Variants in GALNT13 observed in about 807,000 individuals in gnomAD.
GALNT13 encodes polypeptide N-acetylgalactosaminyltransferase 13.
Under a neutral mutation model 64.2 loss-of-function variants are expected in GALNT13, and 28 were observed. The ratio of observed to expected loss-of-function variants is 0.44; its 90% CI spans 0.32 to 0.60. The LOEUF is 0.60. GALNT13 is among the 20% of genes least tolerant of loss of function. The pLI is 0.05. For missense variants in GALNT13, 577 were observed against 669.8 expected (o/e 0.86, Z 1.53); for synonymous variants, 214 against 224.6 (o/e 0.95, Z 0.42).
the GALNT13 span, among the ~76,000 whole-genome samples, chr2:153,221,080 C>T: frequency 6.6e-6 from 1 of 152,182 alleles, no homozygotes; most frequent in Admixed American, 6.5e-5. Context: ...ACAACCAACT[C>T]CCATGACACA....
chr2:154,216,821 T>G (rs1314127053), intron 4 of GALNT13, among the ~76,000 whole-genome samples: 2 of 147,236 alleles, frequency 1.4e-5, no homozygotes, highest in Non-Finnish European at 3.0e-5. Flanking sequence ...TTTTTTTTTT[T>G]TTTTTTGAGA....
chr2:153,115,021 G>A, the GALNT13 span, among the ~76,000 whole-genome samples: 1 of 152,150 alleles, frequency 6.6e-6, no homozygotes, highest in Non-Finnish European at 1.5e-5. Context: ...TACCTCATGG[G>A]CTTCTTGTGA....
chr2:153,941,432 A>G (rs1691335572), intron 2 of GALNT13, among the ~76,000 whole-genome samples: 1 of 152,238 alleles, frequency 6.6e-6, no homozygotes, highest in African/African-American at 2.4e-5. Context: ...TATTGGATAG[A>G]AAAGTCTGTA....
the GALNT13 span, among the ~76,000 whole-genome samples, chr2:153,666,293 G>A: frequency 5.3e-5 from 8 of 152,092 alleles, no homozygotes; most frequent in African/African-American, 4.8e-5. Context: ...CACCACTGGT[G>A]TGCACACACA....
At chr2:154,454,217 T>C (rs762389855), downstream of GALNT13, among the ~76,000 whole-genome samples, 19 of 152,290 alleles carry the variant, frequency 1.2e-4, no homozygotes, top group Admixed American at 3.3e-4. Flanking sequence ...TGTTTATAGA[T>C]AATAAGACTG....
intron 3 of GALNT13, among the ~76,000 whole-genome samples, chr2:154,022,046 A>C (rs2105280589): frequency 6.6e-6 from 1 of 152,282 alleles, no homozygotes; most frequent in South Asian, 2.1e-4. Flanking sequence ...CATCCCAGGG[A>C]TGAAGCCCAC....
chr2:154,427,190 C>T (rs1700509553), intron 11 of GALNT13, among the ~76,000 whole-genome samples: 1 of 152,150 alleles, frequency 6.6e-6, no homozygotes, highest in African/African-American at 2.4e-5. Flanking sequence ...TATCCTTTTT[C>T]TCAGATGAGG....
At chr2:154,024,669 G>A (rs535435305) in intron 3 of GALNT13, among the ~76,000 whole-genome samples, 7 of 151,856 alleles carry the variant, frequency 4.6e-5, no homozygotes, top group South Asian at 4.2e-4. Flanking sequence ...TAGTTTGATC[G>A]TCTGAAGCCT....
At position 153,872,626 on chromosome 2, in the gene GALNT13, GGGGGGGGGA is replaced by G. The variant is rs1168122819; in HGVS notation, c.-177+325_-177+333del. Among the ~76,000 whole-genome samples, 4 of 131,416 alleles carry G rather than the reference GGGGGGGGGA, an allele frequency of 3.0e-5. 1 individual carries two copies. The highest frequency in any genetic ancestry group is 6.6e-5 in the Non-Finnish European group (4 of 60,712). 86.2% of individuals were successfully genotyped at this position (131,416 alleles called of 152,430 possible). ...CCGGTGAGTTGTTGGTGGCGGGGGG[GGGGGGGGGA>G]GCGGCTCTGGCCCCCTCTGCGTTCT... On this transcript the variant is annotated intron_variant, in intron 1 of 12. Transcript: ENST00000392825.
chr2:153,139,533 C>T, the GALNT13 span, among the ~76,000 whole-genome samples: 1 of 151,886 alleles, frequency 6.6e-6, no homozygotes, highest in Non-Finnish European at 1.5e-5. Context: ...GCTGGGGCAT[C>T]TTAGAAGAGA....
the GALNT13 span, among the ~76,000 whole-genome samples, chr2:153,760,221 A>G: frequency 5.3e-5 from 8 of 151,882 alleles, no homozygotes; most frequent in Admixed American, 6.6e-5. Context: ...TATCTTCTCA[A>G]AAAACTTATT....
the GALNT13 span, among the ~76,000 whole-genome samples, chr2:153,841,614 T>C: frequency 6.6e-6 from 1 of 152,122 alleles, no homozygotes; most frequent in African/African-American, 2.4e-5. Flanking sequence ...GTCTATCTCA[T>C]CCCAAAGCTG....
chr2:153,958,181 T>C (rs1028335523), intron 3 of GALNT13, among the ~76,000 whole-genome samples: 1 of 152,116 alleles, frequency 6.6e-6, no homozygotes, highest in African/African-American at 2.4e-5. Context: ...CCTGATGTCC[T>C]TGGGGTACAG....
downstream of GALNT13, among the ~76,000 whole-genome samples, chr2:154,455,279 C>T (rs998645298): frequency 6.6e-6 from 1 of 152,176 alleles, no homozygotes; most frequent in African/African-American, 2.4e-5. Context: ...TATCTGCTCA[C>T]AACCATTTTA....
chr2:153,253,952 G>A, the GALNT13 span, among the ~76,000 whole-genome samples: 3,989 of 152,162 alleles, frequency 0.026, 177 homozygotes, highest in African/African-American at 0.09. Flanking sequence ...GTCTCTGCCC[G>A]GCTTTAGTAT....
intron 3 of GALNT13, among the ~76,000 whole-genome samples, chr2:154,031,129 C>T (rs72995311): frequency 6.6e-6 from 1 of 152,012 alleles, no homozygotes. Context: ...CAAAATACTA[C>T]AGATGTTGTG....
the GALNT13 span, among the ~76,000 whole-genome samples, chr2:153,730,536 G>A: frequency 6.6e-6 from 1 of 151,752 alleles, no homozygotes; most frequent in African/African-American, 2.4e-5. Flanking sequence ...AAAAGCAAAT[G>A]TAACGAAATA....
the GALNT13 span, among the ~76,000 whole-genome samples, chr2:153,349,998 G>A: frequency 1.3e-5 from 2 of 152,096 alleles, no homozygotes; most frequent in Non-Finnish European, 2.9e-5. Context: ...GCACTGGGCC[G>A]AACCTCCTTT....
At chr2:153,346,842 A>G in the GALNT13 span, among the ~76,000 whole-genome samples, 1 of 152,210 alleles carries the variant, frequency 6.6e-6, no homozygotes, top group Non-Finnish European at 1.5e-5. Flanking sequence ...TTGTAATTCT[A>G]TATCATAGGT....
Sources: gnomAD v4.1 joint callset for allele counts (sites outside exome capture counted in the v4.1 genomes callset) on GRCh38, gnomAD v4.1.1 for gene constraint, MANE v1.5 for transcripts, NCBI Gene and HGNC (gene_info 2026-07-23, HGNC 2026-07-21) for gene names.